The following STAC variants were observed in gnomAD, a reference collection of about 807,000 sequenced individuals.
STAC encodes the protein SH3 and cysteine-rich domain-containing protein.
A neutral mutation model predicts 48.8 loss-of-function variants in STAC; 43 were observed. The ratio of observed to expected loss-of-function variants is 0.88; its 90% CI spans 0.69 to 1.14. The LOEUF (loss-of-function observed/expected upper bound fraction) is 1.14. STAC is among the 50% of genes most tolerant of loss of function. STAC has a pLI of 0.00. For synonymous variants in STAC, 193 were observed against 179.5 expected, an observed-to-expected ratio of 1.07 and a Z score of -0.60; for missense variants, 497 against 504.0, an observed-to-expected ratio of 0.99 and a Z score of 0.13.
At chr3:36,430,059 T>C (rs1315269823) in intron 1 of STAC, among the ~76,000 whole-genome samples, 1 of 152,190 alleles carries the variant, frequency 6.6e-6, no homozygotes, top group African/African-American at 2.4e-5. Flanking sequence ...AACATTGTTC[T>C]AGGCCAGAAG....
chr3:36,419,577 TA>T (rs1273808503), intron 1 of STAC, among the ~76,000 whole-genome samples: 2 of 152,122 alleles, frequency 1.3e-5, no homozygotes, highest in African/African-American at 4.8e-5. Flanking sequence ...GTGGATGACA[TA>T]AGGGGGCAGC....
intron 2 of STAC, among the ~76,000 whole-genome samples, chr3:36,454,179 T>C (rs1262205615): frequency 1.3e-5 from 2 of 152,168 alleles, no homozygotes; most frequent in Non-Finnish European, 2.9e-5. Context: ...AGCTTTGTTC[T>C]TTCGCTCTTT....
intron 1 of STAC, among the ~76,000 whole-genome samples, chr3:36,422,731 T>C (rs917526894): frequency 3.3e-5 from 5 of 152,158 alleles, no homozygotes; most frequent in Admixed American, 2.6e-4. Flanking sequence ...TTTTTTTAAG[T>C]TGCTGTGTCA....
chr3:36,468,589 T>G (rs1382667160), intron 2 of STAC, among the ~76,000 whole-genome samples: 1 of 149,654 alleles, frequency 6.7e-6, no homozygotes, highest in Non-Finnish European at 1.5e-5. Flanking sequence ...CTGTGTTAGG[T>G]GCACATATAT....
intron 8 of STAC, among the ~76,000 whole-genome samples, chr3:36,507,364 T>C (rs1339457783): frequency 6.6e-6 from 1 of 152,200 alleles, no homozygotes; most frequent in East Asian, 1.9e-4. Context: ...ATCAGGGATA[T>C]TGGCCTGAAA....
chr3:36,391,818 T>A (rs1180466422), intron 1 of STAC, among the ~76,000 whole-genome samples: 1 of 152,202 alleles, frequency 6.6e-6, no homozygotes, highest in African/African-American at 2.4e-5. Context: ...CTGTTTCTAA[T>A]GGCCCTCATA....
chr3:36,437,135 G>A (rs1350028985), intron 1 of STAC, among the ~76,000 whole-genome samples: 4 of 152,060 alleles, frequency 2.6e-5, no homozygotes, highest in Middle Eastern at 3.4e-3. Context: ...AACAGGTGCT[G>A]GAGAGGATGT....
chr3:36,398,347 G>GAAAGAAAGAAAGAAAGAAAGAAAGAAAA lies in STAC; in HGVS notation c.111+17616_111+17617insGAAAAAAAGAAAGAAAGAAAGAAAGAAA, dbSNP rs1699903768. ...AGAAAGAAAGAAAGAAAGAAAGAAAGAAAGAAAGAAAGAAAGAAAGAAAAG... is the reference window on the plus strand; with the variant it reads ...AGAAAGAAAGAAAGAAAGAAAGAAAGAAAGAAAGAAAGAAAGAAAGAAAGAAAAAAAGAAAGAAAGAAAGAAAGAAAAG... On this transcript the variant is annotated intron_variant, in intron 1 of 10. Coordinates refer to ENST00000273183, the MANE Select transcript of STAC (RefSeq NM_003149.3). Among the ~76,000 whole-genome samples, 86 of 131,012 alleles carry GAAAGAAAGAAAGAAAGAAAGAAAGAAAA rather than the reference G, an allele frequency of 6.6e-4. 3 individuals carry two copies. Among genetic ancestry groups the GAAAGAAAGAAAGAAAGAAAGAAAGAAAA allele is most frequent in the Non-Finnish European group, 1.2e-3 (72 of 59,460 alleles). 85.9% of individuals were successfully genotyped at this position (131,012 alleles called of 152,430 possible).
intron 1 of STAC, among the ~76,000 whole-genome samples, chr3:36,393,514 G>A (rs778443696): frequency 6.6e-6 from 1 of 151,810 alleles, no homozygotes; most frequent in Non-Finnish European, 1.5e-5. Flanking sequence ...TGACTGCTAT[G>A]GGCTGAATAT....
At chr3:36,398,368 A>AAAGAAAAG (rs1553631494) in intron 1 of STAC, among the ~76,000 whole-genome samples, 1,385 of 102,894 alleles carry the variant, frequency 0.013, 60 homozygotes, top group East Asian at 0.039. Flanking sequence ...AGAAAGAAAG[A>AAAGAAAAG]AAAGAAAGAG....
intron 1 of STAC, among the ~76,000 whole-genome samples, chr3:36,441,540 G>A (rs1424548988): frequency 2.0e-5 from 3 of 152,126 alleles, no homozygotes; most frequent in African/African-American, 7.2e-5. Flanking sequence ...ATTGTGAATA[G>A]TGCTACAATT....
At chr3:36,395,869 C>T (rs1027174449) in intron 1 of STAC, among the ~76,000 whole-genome samples, 10 of 151,758 alleles carry the variant, frequency 6.6e-5, no homozygotes, top group African/African-American at 2.4e-4. Flanking sequence ...CAGCAAGGGC[C>T]AGAATCATCC....
chr3:36,516,309 C>T (rs868118040), intron 8 of STAC, among the ~76,000 whole-genome samples: 1 of 151,852 alleles, frequency 6.6e-6, no homozygotes, highest in Non-Finnish European at 1.5e-5. Context: ...ACATAGTGAG[C>T]TTAGAGTCCT....
chr3:36,507,319 G>T lies in STAC; in HGVS notation c.920+1485G>T, dbSNP rs188125556. Among the ~76,000 whole-genome samples the T allele has an allele frequency of 9.2e-5, 14 of 152,224 alleles. No homozygotes were observed. The East Asian group carries it at 2.7e-3, about 29-fold the overall frequency. On this transcript the variant is annotated intron_variant, in intron 8 of 10. Coordinates refer to ENST00000273183, the MANE Select transcript of STAC (RefSeq NM_003149.3). ...TTTGTCGTGCTGCTGGATTCGGTTT[G>T]CCAGTATTTTATGAGGATTTTCACA...
intron 1 of STAC, among the ~76,000 whole-genome samples, chr3:36,429,810 C>T (rs1460044971): frequency 6.6e-6 from 1 of 152,080 alleles, no homozygotes; most frequent in Non-Finnish European, 1.5e-5. Flanking sequence ...TTCACGTACC[C>T]ACATGGTTTC....
chr3:36,499,508 G>GA (rs1050708940), intron 6 of STAC, among the ~76,000 whole-genome samples: 88 of 151,604 alleles, frequency 5.8e-4, no homozygotes, highest in Middle Eastern at 3.4e-3. Context: ...ATGAGAAGGA[G>GA]AAAAAAATCA....
chr3:36,422,427 T>C (rs73059999), intron 1 of STAC, among the ~76,000 whole-genome samples: 2,746 of 152,230 alleles, frequency 0.018, 50 homozygotes, highest in Non-Finnish European at 0.025. Flanking sequence ...ATGCTGGCCA[T>C]TGTCAGCCTT....
At chr3:36,479,259 T>C (rs1379998859) in intron 2 of STAC, among the ~76,000 whole-genome samples, 1 of 152,184 alleles carries the variant, frequency 6.6e-6, no homozygotes, top group Non-Finnish European at 1.5e-5. Flanking sequence ...GGGTTGCAAA[T>C]CTTTTTTTTT....
At chr3:36,478,128 C>T (rs1017919047) in intron 2 of STAC, among the ~76,000 whole-genome samples, 4 of 152,202 alleles carry the variant, frequency 2.6e-5, no homozygotes, top group African/African-American at 9.6e-5. Flanking sequence ...TGGCCTCCTG[C>T]TACAGAAGAT....
Sources: gnomAD v4.1 joint callset for allele counts (sites outside exome capture counted in the v4.1 genomes callset) on GRCh38, gnomAD v4.1.1 for gene constraint, MANE v1.5 for transcripts, NCBI Gene and HGNC (gene_info 2026-07-23, HGNC 2026-07-21) for gene names.